Variants in NTM observed in about 807,000 individuals in gnomAD.
The protein encoded by NTM is IgLON family member 2.
NTM carries 13 observed loss-of-function variants against 42.1 expected under a neutral mutation model. The ratio of observed to expected loss-of-function variants is 0.31; its 90% CI spans 0.20 to 0.49. NTM has a LOEUF of 0.49. NTM is among the 20% of genes least tolerant of loss of function. The probability of loss-of-function intolerance (pLI) is 0.99; values close to 1 mark genes in which losing one functional copy is unlikely to be tolerated. For synonymous variants in NTM, 187 were observed against 179.2 expected, an observed-to-expected ratio of 1.04 and a Z score of -0.35; for missense variants, 373 against 452.8, an observed-to-expected ratio of 0.82 and a Z score of 1.60.
At chr11:132,165,019 C>A (rs1426005117) in intron 3 of NTM, among the ~76,000 whole-genome samples, 2 of 152,146 alleles carry the variant, frequency 1.3e-5, no homozygotes, top group African/African-American at 4.8e-5. Flanking sequence ...TACACATAGT[C>A]TTCTGTTCTT....
chr11:131,382,005 A>T (rs1489368937), intron 1 of NTM, among the ~76,000 whole-genome samples: 1 of 152,214 alleles, frequency 6.6e-6, no homozygotes. Context: ...TCTGGCAGGC[A>T]TTCTTGATGC....
At chr11:131,501,201 G>A (rs908020126) in intron 1 of NTM, among the ~76,000 whole-genome samples, 1 of 152,114 alleles carries the variant, frequency 6.6e-6, no homozygotes, top group South Asian at 2.1e-4. Context: ...ACAGCTTAAG[G>A]GTGAATAAAG....
intron 3 of NTM, among the ~76,000 whole-genome samples, chr11:132,194,092 A>G (rs2079765967): frequency 7.1e-6 from 1 of 141,766 alleles, no homozygotes; most frequent in Non-Finnish European, 1.5e-5. Flanking sequence ...AGGAGGAGGG[A>G]CTCCTCTCTA....
chr11:131,513,689 G>A (rs2048536551), intron 1 of NTM, among the ~76,000 whole-genome samples: 1 of 152,218 alleles, frequency 6.6e-6, no homozygotes, highest in Admixed American at 6.5e-5. Context: ...TTTTAGCAGT[G>A]TGATAATATT....
intron 2 of NTM, among the ~76,000 whole-genome samples, chr11:131,935,474 G>A (rs992522223): frequency 6.6e-6 from 1 of 152,088 alleles, no homozygotes; most frequent in Admixed American, 6.5e-5. Context: ...CCAGTTTTGG[G>A]CCACTTCCAT....
At chr11:132,122,088 C>G (rs114035960) in intron 2 of NTM, among the ~76,000 whole-genome samples, 2 of 152,160 alleles carry the variant, frequency 1.3e-5, no homozygotes, top group Admixed American at 6.5e-5. Flanking sequence ...GTGCTATAGG[C>G]GCTGAATTGC....
chr11:132,075,118 G>A (rs915938111), intron 2 of NTM, among the ~76,000 whole-genome samples: 2 of 152,160 alleles, frequency 1.3e-5, no homozygotes, highest in Non-Finnish European at 2.9e-5. Context: ...TTCCACTGAT[G>A]TGAGATATCT....
chr11:131,656,239 T>C (rs1270992948), intron 1 of NTM, among the ~76,000 whole-genome samples: 1 of 152,212 alleles, frequency 6.6e-6, no homozygotes, highest in Non-Finnish European at 1.5e-5. Flanking sequence ...TGTAAGAGAT[T>C]CGTCTCCATA....
At chr11:131,888,354 G>A (rs2050721556) in intron 1 of NTM, among the ~76,000 whole-genome samples, 1 of 152,114 alleles carries the variant, frequency 6.6e-6, no homozygotes, top group Admixed American at 6.5e-5. Flanking sequence ...GCCTGTTTTG[G>A]AGAGGGCATT....
At chr11:131,976,739 G>T (rs942682018) in intron 2 of NTM, among the ~76,000 whole-genome samples, 6 of 152,248 alleles carry the variant, frequency 3.9e-5, no homozygotes, top group East Asian at 3.9e-4. Context: ...TCTTCTTCAG[G>T]CCTCTGTTTC....
intron 3 of NTM, among the ~76,000 whole-genome samples, chr11:132,169,537 G>A (rs751945437): frequency 9.2e-5 from 14 of 151,400 alleles, no homozygotes; most frequent in Non-Finnish European, 1.5e-4. Flanking sequence ...GAGTTTCACT[G>A]TGTTAGCCAG....
At chr11:131,752,068 C>T (rs1254812425) in intron 1 of NTM, among the ~76,000 whole-genome samples, 1 of 152,134 alleles carries the variant, frequency 6.6e-6, no homozygotes, top group African/African-American at 2.4e-5. Flanking sequence ...GATACCATTG[C>T]ACACCTATGA....
At chr11:131,431,757 A>T (rs572979730) in intron 1 of NTM, among the ~76,000 whole-genome samples, 8 of 152,316 alleles carry the variant, frequency 5.3e-5, no homozygotes, top group Non-Finnish European at 1.2e-4. Context: ...TCTCAAGGTT[A>T]CACAGAGCCT....
chr11:131,840,209 G>C (rs147885415), intron 1 of NTM, among the ~76,000 whole-genome samples: 281 of 152,298 alleles, frequency 1.8e-3, no homozygotes, highest in Middle Eastern at 3.4e-3. Context: ...GGCCAAATCA[G>C]ATTTCCCCCA....
At chr11:132,071,541 G>T (rs1212782645) in intron 2 of NTM, among the ~76,000 whole-genome samples, 5 of 152,212 alleles carry the variant, frequency 3.3e-5, no homozygotes, top group Non-Finnish European at 7.3e-5. Flanking sequence ...ATTCAAATGT[G>T]GGAAAAATTA....
At chr11:131,390,122 C>T (rs1943817796) in intron 1 of NTM, among the ~76,000 whole-genome samples, 1 of 152,162 alleles carries the variant, frequency 6.6e-6, no homozygotes, top group Non-Finnish European at 1.5e-5. Context: ...CAAGCACCTG[C>T]TCAGTTTTGG....
intron 2 of NTM, among the ~76,000 whole-genome samples, chr11:131,919,551 T>C (rs1170970952): frequency 2.0e-5 from 3 of 152,048 alleles, no homozygotes; most frequent in East Asian, 3.9e-4. Flanking sequence ...AGAAAGAAGA[T>C]AGAGTGGGAG....
At chr11:131,415,952 T>G (rs1374407197) in intron 1 of NTM, among the ~76,000 whole-genome samples, 1 of 152,228 alleles carries the variant, frequency 6.6e-6, no homozygotes, top group East Asian at 1.9e-4. Context: ...ATTATTTACT[T>G]TGGGACTAAG....
chr11:131,437,443 A>T (rs540286409), intron 1 of NTM, among the ~76,000 whole-genome samples: 2 of 152,228 alleles, frequency 1.3e-5, no homozygotes, highest in Non-Finnish European at 1.5e-5. Flanking sequence ...GTCTCTAAGG[A>T]CTTGCTTTAT....
Sources: gnomAD v4.1 joint callset for allele counts (sites outside exome capture counted in the v4.1 genomes callset) on GRCh38, gnomAD v4.1.1 for gene constraint, MANE v1.5 for transcripts, NCBI Gene and HGNC (gene_info 2026-07-23, HGNC 2026-07-21) for gene names.